Variants in GALNTL6 observed in about 807,000 individuals in gnomAD.
GALNTL6 encodes the protein polypeptide N-acetylgalactosaminyltransferase-like 6.
Under a neutral mutation model 73.7 loss-of-function variants are expected in GALNTL6, and 46 were observed. That is an observed-to-expected ratio of 0.62 (90% CI 0.49 to 0.80). The LOEUF is 0.80. Ranked by LOEUF, GALNTL6 falls within the 30% of genes least tolerant of loss-of-function variation. The pLI is 0.00. For missense variants in GALNTL6, 604 were observed against 755.0 expected, an observed-to-expected ratio of 0.80 and a Z score of 2.34; for synonymous variants, 259 against 263.7, an observed-to-expected ratio of 0.98 and a Z score of 0.17.
chr4:171,950,400 T>C (rs1377297300), intron 2 of GALNTL6, among the ~76,000 whole-genome samples: 1 of 151,216 alleles, frequency 6.6e-6, no homozygotes, highest in East Asian at 1.9e-4. Context: ...AAATCAACAA[T>C]AGGATGAAGT....
At chr4:171,887,415 A>G (rs908177041) in intron 2 of GALNTL6, among the ~76,000 whole-genome samples, 2 of 152,242 alleles carry the variant, frequency 1.3e-5, no homozygotes, top group Admixed American at 6.5e-5. Flanking sequence ...AGTAGACTAC[A>G]AAGATCACCT....
chr4:172,393,357 G>C (rs1579029347), intron 5 of GALNTL6, among the ~76,000 whole-genome samples: 2 of 152,082 alleles, frequency 1.3e-5, no homozygotes, highest in Non-Finnish European at 2.9e-5. Context: ...TGCCTCCTCT[G>C]CTTCTTTTTC....
At position 172,229,783 on chromosome 4, in the gene GALNTL6, G is replaced by C; in HGVS notation, c.247+19G>C. Reference sequence around the variant, plus strand: ...CGCTCAGGTATGAAGCTCAGTGTACGCCAAAGTGCTATTTCACTCGCAGCA... The same window carrying C: ...CGCTCAGGTATGAAGCTCAGTGTACCCCAAAGTGCTATTTCACTCGCAGCA... On this transcript the variant is annotated intron_variant, in intron 3 of 12. Transcript: ENST00000506823. 6.9e-7 allele frequency: 1 copy of C among 1,454,316 alleles called. No homozygotes were observed. The allele number at this position is 1,454,316 out of a possible 1,614,324, so 90.1% of individuals were successfully genotyped here.
intron 2 of GALNTL6, among the ~76,000 whole-genome samples, chr4:171,929,026 A>C (rs933798122): frequency 6.6e-6 from 1 of 152,158 alleles, no homozygotes; most frequent in Non-Finnish European, 1.5e-5. Context: ...TTTATGAAAA[A>C]TTTACTATCA....
At chr4:172,184,370 T>C (rs28415916) in intron 2 of GALNTL6, among the ~76,000 whole-genome samples, 9,816 of 152,262 alleles carry the variant, frequency 0.064, 517 homozygotes, top group African/African-American at 0.15. Context: ...GTGAAGCTCA[T>C]GCCCTCTGAT....
chr4:171,889,991 T>G (rs185590561), intron 2 of GALNTL6, among the ~76,000 whole-genome samples: 1 of 152,292 alleles, frequency 6.6e-6, no homozygotes, highest in African/African-American at 2.4e-5. Flanking sequence ...TTAATGCCAG[T>G]GGAAAGTCCA....
rs1466225563 is a variant in GALNTL6 at position 172,101,916 on chromosome 4, AT to A, written c.139-127739del. On this transcript the variant is annotated intron_variant, in intron 2 of 12. Transcript: ENST00000506823. The stretch of plus-strand genomic sequence containing the variant: ...ATCAAAACCAGGTTTAAAATTAAAA[AT>A]ATAATTAAAAAGAATAGACAATACT... Among the ~76,000 whole-genome samples the A allele has an allele frequency of 3.9e-5, 6 of 152,278 alleles. No homozygotes were observed. The South Asian group carries it at 1.2e-3, about 32-fold the overall frequency.
chr4:172,992,795 C>A (rs1751599288), intron 10 of GALNTL6, among the ~76,000 whole-genome samples: 1 of 152,106 alleles, frequency 6.6e-6, no homozygotes, highest in African/African-American at 2.4e-5. Flanking sequence ...GACTCCTGAG[C>A]TATAGTTTCT....
At chr4:172,134,449 C>A (rs1382597608) in intron 2 of GALNTL6, among the ~76,000 whole-genome samples, 1 of 150,972 alleles carries the variant, frequency 6.6e-6, no homozygotes, top group Non-Finnish European at 1.5e-5. Flanking sequence ...ATGGTTTATT[C>A]ATCTTAATGA....
intron 2 of GALNTL6, among the ~76,000 whole-genome samples, chr4:172,101,708 A>C (rs958247692): frequency 1.3e-5 from 2 of 152,094 alleles, no homozygotes; most frequent in Non-Finnish European, 2.9e-5. Context: ...ATTTTAATTT[A>C]TTTTAAAACA....
chr4:172,627,776 T>C (rs1739224154), intron 5 of GALNTL6, among the ~76,000 whole-genome samples: 1 of 152,122 alleles, frequency 6.6e-6, no homozygotes, highest in Non-Finnish European at 1.5e-5. Flanking sequence ...CTAGATTTTC[T>C]ACTTCATGTG....
At chr4:172,339,861 G>A (rs1021749395) in intron 4 of GALNTL6, among the ~76,000 whole-genome samples, 1 of 152,120 alleles carries the variant, frequency 6.6e-6, no homozygotes, top group Non-Finnish European at 1.5e-5. Context: ...GGGATCTGGG[G>A]TGTCCTTCAC....
At chr4:172,965,395 T>G (rs1750275165) in intron 10 of GALNTL6, among the ~76,000 whole-genome samples, 1 of 151,904 alleles carries the variant, frequency 6.6e-6, no homozygotes, top group South Asian at 2.1e-4. Flanking sequence ...GACCACCCTG[T>G]GAATGGTGAA....
At chr4:172,132,613 T>A (rs10019168) in intron 2 of GALNTL6, among the ~76,000 whole-genome samples, 67,534 of 151,878 alleles carry the variant, frequency 0.44, 15,678 homozygotes, top group African/African-American at 0.56. Flanking sequence ...TAAATATATG[T>A]TATTACTTCA....
chr4:172,282,219 A>G (rs1739085646), intron 3 of GALNTL6, among the ~76,000 whole-genome samples: 1 of 152,200 alleles, frequency 6.6e-6, no homozygotes, highest in African/African-American at 2.4e-5. Context: ...AATAGTCTAG[A>G]GATTTAAGCA....
chr4:172,276,987 C>T (rs1422430864), intron 3 of GALNTL6, among the ~76,000 whole-genome samples: 1 of 152,060 alleles, frequency 6.6e-6, no homozygotes, highest in Non-Finnish European at 1.5e-5. Flanking sequence ...ACCATTATAT[C>T]TTGAAACGCT....
chr4:172,845,178 A>C (rs1459682585), intron 7 of GALNTL6, among the ~76,000 whole-genome samples: 1 of 147,928 alleles, frequency 6.8e-6, no homozygotes, highest in Non-Finnish European at 1.5e-5. Context: ...AGATTGCACC[A>C]CTGCACTCCA....
chr4:172,643,914 G>A (rs1041187902), intron 5 of GALNTL6, among the ~76,000 whole-genome samples: 26 of 151,880 alleles, frequency 1.7e-4, no homozygotes, highest in African/African-American at 6.0e-4. Flanking sequence ...ATATTTTCAA[G>A]GATCACTACT....
chr4:171,936,729 T>A (rs13435873), intron 2 of GALNTL6, among the ~76,000 whole-genome samples: 14,797 of 152,160 alleles, frequency 0.097, 1,941 homozygotes, highest in African/African-American at 0.29. Context: ...ACATATATCA[T>A]AGCAAGACAT....
Sources: allele counts gnomAD v4.1 joint callset (sites outside exome capture counted in the v4.1 genomes callset), GRCh38; gene constraint gnomAD v4.1.1; transcripts MANE v1.5; gene names NCBI Gene and HGNC (gene_info 2026-07-23, HGNC 2026-07-21).